Variants in MAMDC2 observed in about 807,000 individuals in gnomAD.
MAMDC2 encodes the protein MAM domain containing 2.
MAMDC2 carries 57 observed loss-of-function variants against 89.8 expected under a neutral mutation model. That is an observed-to-expected ratio of 0.63 (90% CI 0.51 to 0.79). The LOEUF is 0.79. Ranked by LOEUF, MAMDC2 falls within the 30% of genes least tolerant of loss-of-function variation. The pLI is 0.00. For missense variants in MAMDC2, 800 were observed against 820.6 expected, an observed-to-expected ratio of 0.97 and a Z score of 0.31; for synonymous variants, 313 against 293.4, an observed-to-expected ratio of 1.07 and a Z score of -0.68.
intron 11 of MAMDC2, among the ~76,000 whole-genome samples, chr9:70,171,553 C>T (rs1004226250): frequency 6.6e-6 from 1 of 152,142 alleles, no homozygotes; most frequent in African/African-American, 2.4e-5. Flanking sequence ...ATCTTTCTCA[C>T]TCACACCCCC....
At position 70,044,568 on chromosome 9, in the gene MAMDC2, C is replaced by A; in HGVS notation, c.35-16C>A. ...CCTGGGTGGAGCTCGAACTGAAACT[C>A]GCTTTGTGCCCGCAGCCCTGCAGCT... On this transcript the variant is annotated splice_polypyrimidine_tract_variant and intron_variant, in intron 1 of 13. Transcript: ENST00000377182. 1 of 1,545,676 alleles carries A rather than the reference C, an allele frequency of 6.5e-7. No homozygotes were observed. Among genetic ancestry groups the A allele is most frequent in the East Asian group, 2.4e-5 (1 of 40,894 alleles).
intron 11 of MAMDC2, chr9:70,217,049 T>C: frequency 2.3e-6 from 1 of 427,546 alleles, no homozygotes. Flanking sequence ...CTTATCTACA[T>C]GCCGATTAAT....
chr9:70,052,176 C>T (rs1484278291), intron 2 of MAMDC2, among the ~76,000 whole-genome samples: 1 of 152,150 alleles, frequency 6.6e-6, no homozygotes, highest in Non-Finnish European at 1.5e-5. Context: ...TTCAACTCCC[C>T]AGCTTCTCCA....
At position 70,053,371 on chromosome 9, in the gene MAMDC2, T is replaced by C. The variant is rs192065077; in HGVS notation, c.148+8674T>C. On this transcript the variant is annotated intron_variant, in intron 2 of 13. Coordinates refer to ENST00000377182, the MANE Select transcript of MAMDC2 (RefSeq NM_153267.5). ...AAATAATATGTTTTACAGAAAACCCTACTGCAGACTATTCATACTGTGAAC... is the reference window on the plus strand; with the variant it reads ...AAATAATATGTTTTACAGAAAACCCCACTGCAGACTATTCATACTGTGAAC... 5.4e-3 allele frequency among the ~76,000 whole-genome samples: 827 copies of C among 152,354 alleles called. 4 individuals carry two copies. Among genetic ancestry groups the C allele is most frequent in the Non-Finnish European group, 8.6e-3 (583 of 68,030 alleles).
chr9:70,217,693 A>C, intron 11 of MAMDC2: 2 of 1,439,664 alleles, frequency 1.4e-6, no homozygotes, highest in Admixed American at 1.7e-5. Context: ...TTTTTAAATA[A>C]AGATTGGATT....
At chr9:70,175,768 T>G (rs2032479266) in intron 11 of MAMDC2, 1 of 152,150 alleles carries the variant, frequency 6.6e-6, no homozygotes, top group African/African-American at 2.4e-5. Context: ...TCTGGCAGCT[T>G]AAAGTCCAAG....
intron 11 of MAMDC2, chr9:70,217,716 A>C: frequency 7.5e-7 from 1 of 1,327,974 alleles, no homozygotes; most frequent in Non-Finnish European, 1.1e-6. Flanking sequence ...ATTTAAAAAA[A>C]TTACAGAGTA....
At position 70,164,929 on chromosome 9, in the gene MAMDC2, T is replaced by A. The variant is rs902321695; in HGVS notation, c.1405-3773T>A. ...TGCTGGGATTATAGATGTGAGCCTA[T>A]AATTAATATAATTAATATTTAATTT... On this transcript the variant is annotated intron_variant, in intron 9 of 13. Transcript: ENST00000377182. Among the ~76,000 whole-genome samples, 3 of 149,174 alleles carry A rather than the reference T, an allele frequency of 2.0e-5. No homozygotes were observed. The Admixed American group carries it at 2.0e-4, about 10-fold the overall frequency.
At chr9:70,091,174 C>T (rs1020221256) in intron 2 of MAMDC2, among the ~76,000 whole-genome samples, 1 of 152,120 alleles carries the variant, frequency 6.6e-6, no homozygotes, top group Non-Finnish European at 1.5e-5. Flanking sequence ...AATTATGTAT[C>T]ATTCTGTATT....
chr9:70,148,652 T>C (rs1025458778), intron 9 of MAMDC2, among the ~76,000 whole-genome samples: 5 of 149,120 alleles, frequency 3.4e-5, no homozygotes, highest in Non-Finnish European at 4.5e-5. Context: ...CCCAGCACTT[T>C]GGGAGGCCGA....
chr9:70,072,918 C>A (rs1028721283), intron 2 of MAMDC2, among the ~76,000 whole-genome samples: 1 of 152,114 alleles, frequency 6.6e-6, no homozygotes, highest in African/African-American at 2.4e-5. Flanking sequence ...TCACTGCAAC[C>A]TCCGCCTGCC....
intron 11 of MAMDC2, among the ~76,000 whole-genome samples, chr9:70,190,083 G>C (rs1459252661): frequency 6.6e-6 from 1 of 152,080 alleles, no homozygotes; most frequent in Non-Finnish European, 1.5e-5. Flanking sequence ...CCAATGTCTT[G>C]ACTTCCTCAG....
chr9:70,108,052 C>T (rs1828387273), intron 2 of MAMDC2, among the ~76,000 whole-genome samples, 159 bp from the exon 3 acceptor site: 1 of 152,128 alleles, frequency 6.6e-6, no homozygotes, highest in African/African-American at 2.4e-5. Context: ...GTAATTTTTT[C>T]AAAAGAGGCC....
At chr9:70,159,986 CAG>C (rs137937028) in intron 9 of MAMDC2, among the ~76,000 whole-genome samples, 4,888 of 152,116 alleles carry the variant, frequency 0.032, 257 homozygotes, top group African/African-American at 0.11. Flanking sequence ...GTGAGGCAGA[CAG>C]ATCACTTGAG....
intron 9 of MAMDC2, among the ~76,000 whole-genome samples, chr9:70,162,828 A>AGG (rs965793419): frequency 4.0e-5 from 6 of 150,362 alleles, no homozygotes; most frequent in African/African-American, 1.5e-4. Flanking sequence ...TGACAGGCCT[A>AGG]GGGGCAGTCT....
chr9:70,200,679 C>T (rs1329863923), intron 11 of MAMDC2, among the ~76,000 whole-genome samples: 2 of 138,246 alleles, frequency 1.4e-5, no homozygotes, highest in African/African-American at 5.4e-5. Flanking sequence ...TCTTCCTACC[C>T]ATGAGCATGG....
chr9:70,074,525 G>A (rs1251313930), intron 2 of MAMDC2, among the ~76,000 whole-genome samples: 1 of 152,202 alleles, frequency 6.6e-6, no homozygotes, highest in Non-Finnish European at 1.5e-5. Context: ...AAAGGTCACT[G>A]TCTGCAGGGG....
chr9:70,108,388 A>G lies in MAMDC2; in HGVS notation c.326A>G (p.Glu109Gly). 1.2e-6 allele frequency: 2 copies of G among 1,614,148 alleles called. No individual in the cohort carries two copies. Among genetic ancestry groups the G allele is most frequent in the Non-Finnish European group, 1.7e-6 (2 of 1,179,996 alleles). ...AACCTCTACATGAGATTTGAAGATGAAAGCTTTGATCGCTTGCTTTGGTCA... is the reference window on the plus strand; with the variant it reads ...AACCTCTACATGAGATTTGAAGATGGAAGCTTTGATCGCTTGCTTTGGTCA... Reference protein sequence around the residue: ...QLNLYMRFEDESFDRLLWSAK... With the variant: ...QLNLYMRFEDGSFDRLLWSAK... The change falls in exon 3 of 14, where the codon GAA (glutamate) becomes GGA (glycine). Residue 109 changes from glutamate (E) to glycine (G), a missense_variant. Physicochemically the swap from Glu to Gly is moderately conservative, Grantham distance 98 (BLOSUM62 -2). Transcript: ENST00000377182.
chr9:70,107,078 G>A lies in MAMDC2; in HGVS notation c.149-1133G>A, dbSNP rs368222517. Among the ~76,000 whole-genome samples the A allele has an allele frequency of 7.2e-5, 11 of 152,270 alleles. No individual in the cohort carries two copies. In the South Asian group the frequency reaches 2.3e-3, roughly 32 times the overall value. On this transcript the variant is annotated intron_variant, in intron 2 of 13. Transcript: ENST00000377182. ...GGTGGAAGCCACAGGACGAAAGACA[G>A]CAGGTTAAATGACAGCCATGAATGT...
Sources: gnomAD v4.1 joint callset for allele counts (sites outside exome capture counted in the v4.1 genomes callset) on GRCh38, gnomAD v4.1.1 for gene constraint, MANE v1.5 for transcripts, NCBI Gene and HGNC (gene_info 2026-07-23, HGNC 2026-07-21) for gene names.